Variants in ABCA12 observed in about 807,000 individuals in gnomAD.
ABCA12 encodes glucosylceramide transporter ABCA12.
A neutral mutation model predicts 293.5 loss-of-function variants in ABCA12; 156 were observed. The ratio of observed to expected loss-of-function variants is 0.53; its 90% CI spans 0.47 to 0.61. The LOEUF (loss-of-function observed/expected upper bound fraction) is 0.61. Ranked by LOEUF, ABCA12 falls within the 20% of genes least tolerant of loss-of-function variation. The pLI is 0.00. For missense variants in ABCA12, 2,797 were observed against 3,090.2 expected, an observed-to-expected ratio of 0.91 and a Z score of 2.25; for synonymous variants, 1,063 against 1,108.0, an observed-to-expected ratio of 0.96 and a Z score of 0.81.
At chr2:215,110,183 A>G (rs906409498) in intron 2 of ABCA12, among the ~76,000 whole-genome samples, 2 of 152,344 alleles carry the variant, frequency 1.3e-5, no homozygotes, top group South Asian at 2.1e-4. Context: ...TCTCATCAAT[A>G]ACTCAAATGA....
intron 1 of ABCA12, among the ~76,000 whole-genome samples, chr2:215,127,919 T>A (rs1467960755): frequency 6.6e-6 from 1 of 152,172 alleles, no homozygotes; most frequent in African/African-American, 2.4e-5. Flanking sequence ...TTTAAAGAGG[T>A]TCTGTTTTGA....
At position 214,970,229 on chromosome 2, in the gene ABCA12, A is replaced by G. The variant is rs1216824462; in HGVS notation, c.5690+44T>C. On this transcript the variant is annotated intron_variant, in intron 37 of 52. Transcript: ENST00000272895. ...GTCTCTTTAGAAGGCAGCTACCATT[A>G]AAATTAGCAAGCAATTAAATATGTT... 17 of 1,575,648 alleles carry G rather than the reference A, an allele frequency of 1.1e-5. 1 individual carries two copies.
intron 1 of ABCA12, among the ~76,000 whole-genome samples, chr2:215,132,463 T>G (rs1455933939): frequency 6.6e-6 from 1 of 152,064 alleles, no homozygotes; most frequent in East Asian, 1.9e-4. Context: ...ATCTTCTTGT[T>G]GTATTGAGCC....
In ABCA12 at chr2:214,968,072, T is replaced by C. The variant is rs552689694; in HGVS notation, c.5778+648A>G. 4.5e-4 allele frequency among the ~76,000 whole-genome samples: 69 copies of C among 152,288 alleles called. No individual in the cohort carries two copies. The South Asian group carries it at 0.014, about 31-fold the overall frequency. On this transcript the variant is annotated intron_variant, in intron 38 of 52. Transcript: ENST00000272895. ...AAGGCTAAACATATACATTTTCATT[T>C]CTAAATAGTTTTGACGTATACACAA...
chr2:214,991,743 G>A (rs1280745029), intron 23 of ABCA12, among the ~76,000 whole-genome samples: 2 of 152,146 alleles, frequency 1.3e-5, no homozygotes, highest in African/African-American at 2.4e-5. Flanking sequence ...GATATTCTTT[G>A]ATACCTCAGT....
chr2:215,137,990 CAGAT>C (rs1319281974), intron 1 of ABCA12, 146 bp downstream of exon 1: 2 of 844,152 alleles, frequency 2.4e-6, no homozygotes, highest in Non-Finnish European at 4.1e-6. Flanking sequence ...AGCTATAAGA[CAGAT>C]AGGGGGATGA....
intron 8 of ABCA12, among the ~76,000 whole-genome samples, chr2:215,033,920 G>A (rs778138178): frequency 2.0e-5 from 3 of 151,972 alleles, no homozygotes; most frequent in East Asian, 3.9e-4. Flanking sequence ...CAACCTGGGC[G>A]ACGGAGTGAG....
At chr2:215,124,522 T>C (rs1702881043) in intron 1 of ABCA12, among the ~76,000 whole-genome samples, 1 of 152,210 alleles carries the variant, frequency 6.6e-6, no homozygotes, top group African/African-American at 2.4e-5. Flanking sequence ...GGTATCACAT[T>C]GTGGTTGTGA....
chr2:215,058,787 G>A (rs1372238351), intron 3 of ABCA12, among the ~76,000 whole-genome samples: 1 of 151,942 alleles, frequency 6.6e-6, no homozygotes, highest in Admixed American at 6.6e-5. Flanking sequence ...CTCTATTTTG[G>A]AGTGGAATTC....
At chr2:215,038,485 T>G (rs779328564) in intron 7 of ABCA12, among the ~76,000 whole-genome samples, 4 of 152,190 alleles carry the variant, frequency 2.6e-5, no homozygotes, top group Non-Finnish European at 4.4e-5. Context: ...CAGGCATTTT[T>G]AATTTGTCAC....
intron 2 of ABCA12, among the ~76,000 whole-genome samples, chr2:215,100,228 C>T (rs1021725595): frequency 6.6e-6 from 1 of 151,940 alleles, no homozygotes; most frequent in African/African-American, 2.4e-5. Context: ...CCTCTGTTTC[C>T]CAGTCTACTC....
chr2:214,990,773 T>C lies in ABCA12; in HGVS notation c.3553A>G (p.Ile1185Val), dbSNP rs776033660. 2 of 1,613,972 alleles carry C rather than the reference T, an allele frequency of 1.2e-6. No individual in the cohort carries two copies. Among genetic ancestry groups the C allele is most frequent in the Admixed American group, 1.7e-5 (1 of 60,004 alleles). The change falls in exon 24 of 53, where the codon ATT becomes GTT. Residue 1185 changes from isoleucine (I) to valine (V), a missense_variant. Ile to Val is a conservative substitution (Grantham distance 29). Transcript: ENST00000272895. ...AALIGSLIYI[I>V]AFFPFIVLVT... ...AGAACAATAAATGGAAAGAAGGCAA[T>C]GATGTAGATGAGGCTTCCGATCAGA...
intron 40 of ABCA12, among the ~76,000 whole-genome samples, 159 bp downstream of exon 40, chr2:214,958,865 C>T (rs945614389): frequency 2.6e-5 from 4 of 152,166 alleles, no homozygotes; most frequent in Non-Finnish European, 5.9e-5. Context: ...CCACTCTACA[C>T]CCTTGCAGAA....
chr2:214,984,093 C>A (rs940896196), intron 28 of ABCA12, among the ~76,000 whole-genome samples: 1 of 23,970 alleles, frequency 4.2e-5, no homozygotes, highest in African/African-American at 1.7e-4. Context: ...AACGATCAGG[C>A]CTTTTTTTTT....
intron 1 of ABCA12, among the ~76,000 whole-genome samples, chr2:215,120,180 T>A (rs1480403037): frequency 6.6e-6 from 1 of 152,050 alleles, no homozygotes; most frequent in African/African-American, 2.4e-5. Flanking sequence ...AACAGAAAAC[T>A]AAATACTCTC....
intron 39 of ABCA12, chr2:214,962,081 T>C (rs2105941794): frequency 6.6e-6 from 1 of 152,346 alleles, no homozygotes; most frequent in Non-Finnish European, 1.5e-5. Flanking sequence ...CCAGCTTTTC[T>C]TTATTCTTTT....
chr2:214,987,823 G>A (rs374157928), intron 26 of ABCA12, 30 bp from the exon 27 acceptor site: 100 of 1,609,114 alleles, frequency 6.2e-5, no homozygotes, highest in Non-Finnish European at 8.5e-5. Context: ...GGAACAGTGA[G>A]TTTTAGTTGA....
In ABCA12 at chr2:215,049,670, G is replaced by A. The variant is rs772617453; in HGVS notation, c.649C>T (p.Leu217Phe). ...FNKFCLSNMT[L>F]LESSLQELNK... is the part of the protein sequence containing the mutation. The stretch of plus-strand genomic sequence containing the variant: ...AGTTCTTGGAGAGAAGACTCTAAAA[G>A]GGTCATGTTAGAAAGGCAAAATTTG... The change falls in exon 6 of 53, where the codon CTT (leucine) becomes TTT (phenylalanine). Residue 217 changes from leucine to phenylalanine, a missense_variant. By Grantham distance (22) the Leu-to-Phe change is conservative. Coordinates refer to ENST00000272895, the MANE Select transcript of ABCA12 (RefSeq NM_173076.3). The A allele has an allele frequency of 1.2e-6, 2 of 1,613,546 alleles. No individual in the cohort carries two copies. The highest frequency in any genetic ancestry group is 1.1e-5 in the South Asian group (1 of 91,068).
chr2:215,015,340 T>A, intron 15 of ABCA12, 150 bp downstream of exon 15: 2 of 786,448 alleles, frequency 2.5e-6, no homozygotes, highest in Non-Finnish European at 4.1e-6. Flanking sequence ...AAATGATCTC[T>A]AAGGTTGCAT....
Sources: allele counts gnomAD v4.1 joint callset (sites outside exome capture counted in the v4.1 genomes callset), GRCh38; gene constraint gnomAD v4.1.1; transcripts MANE v1.5; gene names NCBI Gene and HGNC (gene_info 2026-07-23, HGNC 2026-07-21).